The following TRAM2 variants were observed in gnomAD, a reference collection of about 807,000 sequenced individuals.
TRAM2 encodes the protein translocation associated membrane protein 2, also known as translocating chain-associated membrane protein 2.
TRAM2 carries 12 observed loss-of-function variants against 51.0 expected under a neutral mutation model. The ratio of observed to expected loss-of-function variants is 0.24; its 90% confidence interval spans 0.15 to 0.38. The LOEUF is 0.38. Among genes scored for constraint, TRAM2 ranks in the 10% least tolerant of loss-of-function variants. The pLI is 1.00. For synonymous variants in TRAM2, 175 were observed against 179.4 expected, an observed-to-expected ratio of 0.98 and a Z score of 0.20; for missense variants, 361 against 462.0, an observed-to-expected ratio of 0.78 and a Z score of 2.00.
At chr6:52,558,131 A>G (rs964929223) in intron 1 of TRAM2, among the ~76,000 whole-genome samples, 4 of 152,144 alleles carry the variant, frequency 2.6e-5, no homozygotes, top group African/African-American at 9.7e-5. Context: ...TCAGCTATAG[A>G]GCACAGCTCT....
chr6:52,500,634 G>C lies in TRAM2; in HGVS notation c.*2563C>G, dbSNP rs17652536. 9.0e-3 allele frequency: 1,372 copies of C among 152,402 alleles called. 11 individuals are homozygous for C. The highest frequency in any genetic ancestry group is 0.013 in the Non-Finnish European group (868 of 68,096). 9.4% of individuals were successfully genotyped at this position (152,402 alleles called of 1,614,324 possible). ...CTGGGCTGGTGGGACCACATCCAAG[G>C]CATGAAGTACTGGCAGCACGGGGAG... is the stretch of plus-strand genomic sequence containing the variant. On this transcript the variant is annotated 3_prime_UTR_variant, in exon 11 of 11. Coordinates refer to ENST00000182527, the MANE Select transcript of TRAM2 (RefSeq NM_012288.4).
At chr6:52,576,113 G>C (rs1425954041) in intron 1 of TRAM2, among the ~76,000 whole-genome samples, 1 of 152,168 alleles carries the variant, frequency 6.6e-6, no homozygotes, top group African/African-American at 2.4e-5. Flanking sequence ...TCTTGTCTCT[G>C]TAAAGGGGGT....
intron 1 of TRAM2, among the ~76,000 whole-genome samples, chr6:52,568,489 G>A (rs551797422): frequency 8.5e-5 from 13 of 152,268 alleles, no homozygotes; most frequent in South Asian, 2.1e-4. Flanking sequence ...CTTCTCAGCC[G>A]GAAACCAGGC....
At chr6:52,539,662 A>G (rs968079141) in intron 1 of TRAM2, among the ~76,000 whole-genome samples, 1 of 152,118 alleles carries the variant, frequency 6.6e-6, no homozygotes. Context: ...TGCCTTGATG[A>G]TCTGACTTGC....
intron 1 of TRAM2, among the ~76,000 whole-genome samples, chr6:52,541,908 C>T (rs1180922273): frequency 6.7e-6 from 1 of 150,368 alleles, no homozygotes; most frequent in Non-Finnish European, 1.5e-5. Flanking sequence ...CCTTATTTTA[C>T]AGGAGCAGCT....
chr6:52,514,942 G>GC (rs1347200393), intron 4 of TRAM2, among the ~76,000 whole-genome samples: 2 of 152,258 alleles, frequency 1.3e-5, no homozygotes, highest in East Asian at 3.9e-4. Flanking sequence ...GAAGTCTTGG[G>GC]CCCCCCATTT....
At chr6:52,522,301 G>A (rs1222754666) in intron 2 of TRAM2, among the ~76,000 whole-genome samples, 1 of 152,272 alleles carries the variant, frequency 6.6e-6, no homozygotes, top group African/African-American at 2.4e-5. Flanking sequence ...GGGTGAGGGA[G>A]GCAGTGGCGT....
intron 1 of TRAM2, among the ~76,000 whole-genome samples, chr6:52,551,978 G>C (rs562874507): frequency 3.3e-5 from 5 of 152,344 alleles, no homozygotes. Flanking sequence ...CCTTTGAAAG[G>C]TTTGCAGCTG....
At chr6:52,563,633 G>A (rs1204425611) in intron 1 of TRAM2, among the ~76,000 whole-genome samples, 1 of 144,220 alleles carries the variant, frequency 6.9e-6, no homozygotes, top group Non-Finnish European at 1.5e-5. Context: ...GCAGGAGAAT[G>A]GCGTGAACCC....
intron 1 of TRAM2, among the ~76,000 whole-genome samples, chr6:52,573,423 C>T (rs989253865): frequency 6.6e-6 from 1 of 152,126 alleles, no homozygotes; most frequent in South Asian, 2.1e-4. Flanking sequence ...GCAGACTTAA[C>T]GGTGGAAAGG....
chr6:52,522,744 A>G (rs1766699757), intron 2 of TRAM2: 2 of 598,502 alleles, frequency 3.3e-6, no homozygotes, highest in African/African-American at 1.9e-5. Flanking sequence ...ATTACAGTTT[A>G]AAGAGAGACC....
At chr6:52,518,534 G>C (rs2114072249) in intron 2 of TRAM2, among the ~76,000 whole-genome samples, 1 of 152,340 alleles carries the variant, frequency 6.6e-6, no homozygotes, top group Admixed American at 6.5e-5. Flanking sequence ...CGGTTAGAAA[G>C]CTGTTCCTGT....
chr6:52,500,123 G>A lies in TRAM2; in HGVS notation c.*3074C>T, dbSNP rs1393498804. 1 of 152,284 alleles carries A rather than the reference G, an allele frequency of 6.6e-6. No homozygotes were observed. 9.4% of individuals were successfully genotyped at this position (152,284 alleles called of 1,614,324 possible). A position where few individuals can be genotyped will look rare whatever the true frequency, so the allele number is the denominator to read the frequency against. On this transcript the variant is annotated 3_prime_UTR_variant, in exon 11 of 11. Transcript: ENST00000182527. ...GTTAGTTAGCCAGGGCTGTCGAGAG[G>A]CCACAGTTGCTGGGGTAGGTTTACG...
intron 2 of TRAM2, 100 bp from the exon 3 acceptor site, chr6:52,516,837 G>A: frequency 2.2e-6 from 2 of 901,990 alleles, no homozygotes; most frequent in Non-Finnish European, 3.6e-6. Context: ...GCCATCAAAT[G>A]CTACCCGTTT....
intron 3 of TRAM2, 92 bp downstream of exon 3, chr6:52,516,536 G>T: frequency 9.8e-7 from 1 of 1,017,364 alleles, no homozygotes. Flanking sequence ...GAGGATGAAT[G>T]GGTGCAGAGC....
At position 52,500,518 on chromosome 6, in the gene TRAM2, G is replaced by GTTTT. The variant is rs368707931; in HGVS notation, c.*2675_*2678dup. 4.3e-4 allele frequency: 34 copies of GTTTT among 79,464 alleles called. No homozygotes were observed. The highest frequency in any genetic ancestry group is 1.2e-3 in the African/African-American group (33 of 26,908). The allele number at this position is 79,464 out of a possible 1,614,324, so 4.9% of individuals were successfully genotyped here. A position where few individuals can be genotyped will look rare whatever the true frequency, so the allele number is the denominator to read the frequency against. ...TGCCAGCCCCACTCATGGTCTCAGG[G>GTTTT]TTTTTTTTTGTTTTTTTTTTTTTTT... On this transcript the variant is annotated 3_prime_UTR_variant, in exon 11 of 11. Coordinates refer to ENST00000182527, the MANE Select transcript of TRAM2 (RefSeq NM_012288.4).
chr6:52,520,180 G>A (rs961534849), intron 2 of TRAM2, among the ~76,000 whole-genome samples: 10 of 152,216 alleles, frequency 6.6e-5, no homozygotes, highest in Admixed American at 4.6e-4. Context: ...ACAACAGCCA[G>A]CTGTGTCAAT....
intron 2 of TRAM2, among the ~76,000 whole-genome samples, chr6:52,528,632 GT>G (rs781464576): frequency 1.6e-4 from 25 of 152,318 alleles, no homozygotes; most frequent in Middle Eastern, 3.4e-3. Context: ...CCAAGCTATA[GT>G]GTAGGAGGTT....
intron 1 of TRAM2, among the ~76,000 whole-genome samples, chr6:52,547,258 G>A (rs1338717587): frequency 6.6e-6 from 1 of 152,086 alleles, no homozygotes; most frequent in Non-Finnish European, 1.5e-5. Flanking sequence ...GCCTAGAGAG[G>A]ATGATCTCCT....
Sources: gnomAD v4.1 joint callset for allele counts (sites outside exome capture counted in the v4.1 genomes callset) on GRCh38, gnomAD v4.1.1 for gene constraint, MANE v1.5 for transcripts, NCBI Gene and HGNC (gene_info 2026-07-23, HGNC 2026-07-21) for gene names.